Variants in ADGRL3 observed in about 807,000 individuals in gnomAD.
ADGRL3 encodes the protein adhesion G protein-coupled receptor L3.
ADGRL3 carries 62 observed loss-of-function variants against 153.5 expected under a neutral mutation model. The observed-to-expected ratio is 0.40, with a 90% CI of 0.33 to 0.50. The LOEUF (loss-of-function observed/expected upper bound fraction) is 0.50, where lower values mean the gene tolerates loss of function less well. Ranked by LOEUF, ADGRL3 falls within the 20% of genes least tolerant of loss-of-function variation. ADGRL3 has a pLI of 0.47. For synonymous variants in ADGRL3, 710 were observed against 672.5 expected (o/e 1.06, Z -0.86); for missense variants, 1,641 against 1,859.4 (o/e 0.88, Z 2.16).
At chr4:61,692,515 T>C (rs2095558708) in intron 6 of ADGRL3, among the ~76,000 whole-genome samples, 1 of 151,388 alleles carries the variant, frequency 6.6e-6, no homozygotes, top group East Asian at 2.0e-4. Context: ...TAATACCAGC[T>C]CACTGCAACT....
At chr4:61,929,140 G>T (rs1560388901) in intron 13 of ADGRL3, among the ~76,000 whole-genome samples, 2 of 152,092 alleles carry the variant, frequency 1.3e-5, no homozygotes, top group East Asian at 1.9e-4. Context: ...GTTGGGAGGT[G>T]GGGCTTCTGG....
At chr4:61,742,475 C>T (rs6551647) in intron 8 of ADGRL3, among the ~76,000 whole-genome samples, 87,623 of 151,234 alleles carry the variant, frequency 0.58, 27,760 homozygotes, top group African/African-American at 0.83. Flanking sequence ...AGAGACGGGG[C>T]TTCACCATGT....
chr4:61,406,352 A>G (rs971067021), intron 2 of ADGRL3, among the ~76,000 whole-genome samples: 1 of 151,980 alleles, frequency 6.6e-6, no homozygotes, highest in African/African-American at 2.4e-5. Flanking sequence ...TAAATTTCGT[A>G]GGTTAAATGA....
At chr4:61,721,340 G>C (rs1184453586) in intron 6 of ADGRL3, among the ~76,000 whole-genome samples, 1 of 152,154 alleles carries the variant, frequency 6.6e-6, no homozygotes, top group Admixed American at 6.5e-5. Context: ...AAAGGCCTGA[G>C]AGCCCTTGCA....
chr4:61,959,595 C>T lies in ADGRL3; in HGVS notation c.2805+11319C>T, dbSNP rs1028893036. ...AGTTTGGAACATTTTAATTCCATAC[C>T]ATGGATTCTGTGTGTTGAATATTTT... On this transcript the variant is annotated intron_variant, in intron 17 of 26. Coordinates refer to ENST00000683033, the MANE Select transcript of ADGRL3 (RefSeq NM_001387552.1). 5.9e-5 allele frequency among the ~76,000 whole-genome samples: 9 copies of T among 151,968 alleles called. 1 individual carries two copies. Among genetic ancestry groups the T allele is most frequent in the Admixed American group, 5.9e-4 (9 of 15,248 alleles).
intron 8 of ADGRL3, among the ~76,000 whole-genome samples, chr4:61,803,750 C>T (rs1580902073): frequency 6.6e-6 from 1 of 151,974 alleles, no homozygotes; most frequent in African/African-American, 2.4e-5. Context: ...GATATTTCTA[C>T]TAAAGTCTAA....
intron 13 of ADGRL3, among the ~76,000 whole-genome samples, chr4:61,926,175 A>G (rs989103032): frequency 2.0e-5 from 3 of 152,200 alleles, no homozygotes; most frequent in Non-Finnish European, 2.9e-5. Flanking sequence ...GTACACCTGT[A>G]TAGAGCAGCT....
At chr4:61,268,697 A>G (rs1307600125) in intron 1 of ADGRL3, among the ~76,000 whole-genome samples, 4 of 151,632 alleles carry the variant, frequency 2.6e-5, no homozygotes, top group East Asian at 3.9e-4. Context: ...AATATGACAC[A>G]TATTTGGAAA....
intron 9 of ADGRL3, among the ~76,000 whole-genome samples, chr4:61,840,955 A>T (rs1293245031): frequency 6.6e-6 from 1 of 152,046 alleles, no homozygotes; most frequent in African/African-American, 2.4e-5. Flanking sequence ...TCTATTCCAA[A>T]TCTAATAGAG....
intron 5 of ADGRL3, among the ~76,000 whole-genome samples, chr4:61,672,256 T>C (rs1334263131): frequency 6.6e-6 from 1 of 152,154 alleles, no homozygotes; most frequent in East Asian, 1.9e-4. Context: ...ATCCCATTTC[T>C]TTCTTCTTCA....
intron 3 of ADGRL3, among the ~76,000 whole-genome samples, chr4:61,511,004 A>AT (rs1391110421): frequency 1.3e-5 from 2 of 151,864 alleles, no homozygotes; most frequent in Non-Finnish European, 2.9e-5. Flanking sequence ...GGATTCCTAG[A>AT]TTTTTTATTT....
At chr4:61,654,804 G>A (rs2094394256) in intron 5 of ADGRL3, among the ~76,000 whole-genome samples, 1 of 152,020 alleles carries the variant, frequency 6.6e-6, no homozygotes, top group African/African-American at 2.4e-5. Flanking sequence ...GGCTGAGGCA[G>A]GAGAATTGCT....
chr4:61,624,836 C>T (rs2092736630), intron 5 of ADGRL3, among the ~76,000 whole-genome samples: 1 of 151,922 alleles, frequency 6.6e-6, no homozygotes, highest in South Asian at 2.1e-4. Flanking sequence ...ATTTTATGTA[C>T]TAAACTACCC....
chr4:61,243,824 G>T (rs533695727), intron 1 of ADGRL3, among the ~76,000 whole-genome samples: 10 of 151,928 alleles, frequency 6.6e-5, no homozygotes, highest in Admixed American at 1.3e-4. Flanking sequence ...ATTTTAATAC[G>T]GTCATCATAA....
chr4:61,889,109 G>A (rs2098555295), intron 9 of ADGRL3, among the ~76,000 whole-genome samples: 2 of 152,088 alleles, frequency 1.3e-5, no homozygotes, highest in Admixed American at 1.3e-4. Flanking sequence ...TACCTTTACT[G>A]AGAGCTCATT....
chr4:61,584,902 T>A (rs2149328634), intron 4 of ADGRL3, among the ~76,000 whole-genome samples: 1 of 152,064 alleles, frequency 6.6e-6, no homozygotes, highest in Admixed American at 6.6e-5. Flanking sequence ...AGCATCTCAG[T>A]ATTGAAAAGG....
Position 61,749,915 on chromosome 4 carries a change from G to A in ADGRL3, c.1399+16361G>A, listed in dbSNP as rs116205301. Among the ~76,000 whole-genome samples the A allele has an allele frequency of 5.5e-3, 835 of 151,980 alleles. 5 individuals are homozygous for A. The highest frequency in any genetic ancestry group is 0.019 in the African/African-American group (794 of 41,500). On this transcript the variant is annotated intron_variant, in intron 8 of 26. Transcript: ENST00000683033. ...AAGAAAAAGACAAAAATGAAAAATG[G>A]AATTCAGGCACACAGATCTGCTGTG...
chr4:61,711,458 TTATATATATATA>T lies in ADGRL3; in HGVS notation c.584-19141_584-19130del, dbSNP rs1167827672. Among the ~76,000 whole-genome samples, 177 of 34,660 alleles carry T rather than the reference TTATATATATATA, an allele frequency of 5.1e-3. 9 individuals are homozygous for T. The highest frequency in any genetic ancestry group is 0.017 in the African/African-American group (167 of 9,870). The allele number at this position is 34,660 out of a possible 152,430, so 22.7% of individuals were successfully genotyped here. On this transcript the variant is annotated intron_variant, in intron 6 of 26. Transcript: ENST00000683033. ...ATACTATCTTAAAACATATGCTTCA[TTATATATATATA>T]TATATATATATATATATATATACAC...
chr4:61,293,989 A>C (rs1048118276), intron 1 of ADGRL3, among the ~76,000 whole-genome samples: 2 of 152,216 alleles, frequency 1.3e-5, no homozygotes, highest in African/African-American at 4.8e-5. Flanking sequence ...ATCCCTTCTG[A>C]GACCTACACT....
Sources: gnomAD v4.1 joint callset for allele counts (sites outside exome capture counted in the v4.1 genomes callset) on GRCh38, gnomAD v4.1.1 for gene constraint, MANE v1.5 for transcripts, NCBI Gene and HGNC (gene_info 2026-07-23, HGNC 2026-07-21) for gene names.